Variants in LRRC1 observed in about 807,000 individuals in gnomAD.
LRRC1 encodes leucine-rich repeat-containing protein 1.
A neutral mutation model predicts 69.9 loss-of-function variants in LRRC1; 28 were observed. The ratio of observed to expected loss-of-function variants is 0.40; its 90% CI spans 0.30 to 0.55. The LOEUF (loss-of-function observed/expected upper bound fraction) is 0.55. LRRC1 is among the 20% of genes least tolerant of loss of function. The pLI is 0.47. For missense variants in LRRC1, 498 were observed against 609.0 expected, an observed-to-expected ratio of 0.82 and a Z score of 1.92; for synonymous variants, 236 against 240.2, an observed-to-expected ratio of 0.98 and a Z score of 0.16.
At chr6:53,826,264 A>G (rs2127410720) in intron 1 of LRRC1, among the ~76,000 whole-genome samples, 1 of 148,642 alleles carries the variant, frequency 6.7e-6, no homozygotes. Context: ...ATGGATCTGA[A>G]TTTTTAATTT....
At chr6:53,826,323 TTATGTTAA>T (rs1449121368) in intron 1 of LRRC1, among the ~76,000 whole-genome samples, 1 of 152,056 alleles carries the variant, frequency 6.6e-6, no homozygotes, top group African/African-American at 2.4e-5. Context: ...TAATTTTGGT[TTATGTTAA>T]TAGAGGAACC....
intron 1 of LRRC1, among the ~76,000 whole-genome samples, chr6:53,825,322 G>A (rs927823884): frequency 2.6e-5 from 4 of 152,192 alleles, no homozygotes; most frequent in African/African-American, 9.7e-5. Flanking sequence ...AAGTGACCAA[G>A]TTATAAAATT....
intron 4 of LRRC1, among the ~76,000 whole-genome samples, chr6:53,895,116 A>G (rs1165053384): frequency 3.3e-5 from 5 of 151,460 alleles, no homozygotes; most frequent in African/African-American, 7.3e-5. Flanking sequence ...ATGGGGTTTC[A>G]CCGTGTTAGC....
intron 4 of LRRC1, 118 bp from the exon 5 acceptor site, chr6:53,896,380 G>T (rs960913289): frequency 5.1e-6 from 4 of 783,110 alleles, no homozygotes; most frequent in Admixed American, 4.2e-5. Flanking sequence ...ACCCTGGTAA[G>T]TGACCTACTA....
intron 1 of LRRC1, among the ~76,000 whole-genome samples, chr6:53,835,329 T>G (rs1765583353): frequency 6.6e-6 from 1 of 152,226 alleles, no homozygotes; most frequent in Non-Finnish European, 1.5e-5. Flanking sequence ...AGGATTTTCA[T>G]TTTTCTTTTG....
At chr6:53,841,701 A>T (rs1421409567) in intron 1 of LRRC1, among the ~76,000 whole-genome samples, 1 of 152,098 alleles carries the variant, frequency 6.6e-6, no homozygotes, top group Non-Finnish European at 1.5e-5. Context: ...TCTTTAAAAA[A>T]TGTCTTTTTA....
intron 2 of LRRC1, among the ~76,000 whole-genome samples, chr6:53,847,736 A>G (rs1484292551): frequency 6.6e-6 from 1 of 152,166 alleles, no homozygotes; most frequent in African/African-American, 2.4e-5. Context: ...ATAGCTATGG[A>G]TTTGTTTCAT....
intron 1 of LRRC1, among the ~76,000 whole-genome samples, chr6:53,840,925 T>TGCGC (rs1292445595): frequency 1.1e-3 from 156 of 136,266 alleles, no homozygotes; most frequent in African/African-American, 3.8e-3. Context: ...TGTGTGTGTG[T>TGCGC]GTGCGTGCGC....
intron 2 of LRRC1, among the ~76,000 whole-genome samples, chr6:53,858,398 G>C (rs1766387604): frequency 6.6e-6 from 1 of 152,018 alleles, no homozygotes; most frequent in Non-Finnish European, 1.5e-5. Context: ...GCCAATGTTG[G>C]TGTCACACTG....
At chr6:53,881,489 A>G (rs1169220652) in intron 3 of LRRC1, among the ~76,000 whole-genome samples, 3 of 152,222 alleles carry the variant, frequency 2.0e-5, no homozygotes, top group Non-Finnish European at 4.4e-5. Context: ...GGCAGAACAG[A>G]TAAGTTGCAT....
At chr6:53,816,318 C>T (rs1267868572) in intron 1 of LRRC1, among the ~76,000 whole-genome samples, 1 of 151,978 alleles carries the variant, frequency 6.6e-6, no homozygotes, top group African/African-American at 2.4e-5. Context: ...TAGTCTTGGA[C>T]TATAAAATAG....
At chr6:53,851,626 T>C (rs1350435697) in intron 2 of LRRC1, among the ~76,000 whole-genome samples, 1 of 152,208 alleles carries the variant, frequency 6.6e-6, no homozygotes, top group Non-Finnish European at 1.5e-5. Flanking sequence ...AAATAAATAC[T>C]GTTTAAATTT....
At position 53,889,989 on chromosome 6, in the gene LRRC1, G is replaced by A. The variant is rs564432531; in HGVS notation, c.447-6509G>A. On this transcript the variant is annotated intron_variant, in intron 4 of 13. Coordinates refer to ENST00000370888, the MANE Select transcript of LRRC1 (RefSeq NM_018214.5). ...GATCAGGCAGGTACACATAGCCAGA[G>A]TCTCCAAAATGCTCAAGTGATGTAG... is the stretch of plus-strand genomic sequence containing the variant. Among the ~76,000 whole-genome samples the A allele has an allele frequency of 6.6e-5, 10 of 152,268 alleles. No individual in the cohort carries two copies. In the East Asian group the frequency reaches 1.9e-3, roughly 29 times the overall value.
chr6:53,882,299 G>A (rs1236959501), intron 3 of LRRC1, among the ~76,000 whole-genome samples: 2 of 152,220 alleles, frequency 1.3e-5, no homozygotes, highest in African/African-American at 4.8e-5. Flanking sequence ...GGTGAGCCGA[G>A]ATTGCGCCAC....
chr6:53,883,541 T>C (rs1562058987), intron 4 of LRRC1, among the ~76,000 whole-genome samples: 1 of 152,202 alleles, frequency 6.6e-6, no homozygotes. Context: ...AACCTAGTCA[T>C]GGCAAGAAAT....
intron 1 of LRRC1, among the ~76,000 whole-genome samples, chr6:53,812,452 A>G (rs997852169): frequency 2.0e-5 from 3 of 152,188 alleles, no homozygotes; most frequent in Middle Eastern, 3.4e-3. Flanking sequence ...GCACTTTGGG[A>G]GGCCGAGGCG....
rs1377319356 is a variant in LRRC1 at position 53,798,690 on chromosome 6, C to T, written c.159+3275C>T. On this transcript the variant is annotated intron_variant, in intron 1 of 13. Coordinates refer to ENST00000370888, the MANE Select transcript of LRRC1 (RefSeq NM_018214.5). ...CACCATGCCCGGCCTTACCTTTGTT[C>T]AGCACAGAATCTCATCCTTGTGACA... 3.3e-5 allele frequency among the ~76,000 whole-genome samples: 5 copies of T among 152,290 alleles called. No homozygotes were observed. The East Asian group carries it at 9.6e-4, about 29-fold the overall frequency.
intron 3 of LRRC1, among the ~76,000 whole-genome samples, chr6:53,882,559 A>G (rs1188994512): frequency 3.3e-5 from 5 of 152,156 alleles, no homozygotes; most frequent in African/African-American, 1.2e-4. Flanking sequence ...GCAATAATTC[A>G]TCATTTTCTT....
At chr6:53,873,079 A>G (rs946342538) in intron 2 of LRRC1, among the ~76,000 whole-genome samples, 8 of 151,938 alleles carry the variant, frequency 5.3e-5, no homozygotes, top group Non-Finnish European at 1.0e-4. Flanking sequence ...CTTCTAACCC[A>G]TAAGCACAGT....
Sources: allele counts gnomAD v4.1 joint callset (sites outside exome capture counted in the v4.1 genomes callset), GRCh38; gene constraint gnomAD v4.1.1; transcripts MANE v1.5; gene names NCBI Gene and HGNC (gene_info 2026-07-23, HGNC 2026-07-21).